CPLANE1: variants seen among roughly 807,000 people sequenced by gnomAD.
CPLANE1 encodes the protein ciliogenesis and planar polarity effector complex subunit 1.
Under a neutral mutation model 362.5 loss-of-function variants are expected in CPLANE1, and 263 were observed. The ratio of observed to expected loss-of-function variants is 0.73; its 90% confidence interval spans 0.66 to 0.80. The LOEUF (loss-of-function observed/expected upper bound fraction) is 0.80, where lower values mean the gene tolerates loss of function less well. CPLANE1 is among the 30% of genes least tolerant of loss of function. The probability of loss-of-function intolerance (pLI) is 0.00; values close to 1 mark genes in which losing one functional copy is unlikely to be tolerated. For missense variants in CPLANE1, 3,461 were observed against 3,793.4 expected (o/e 0.91, Z 2.30); for synonymous variants, 1,212 against 1,302.6 (o/e 0.93, Z 1.50).
chr5:37,169,663 C>G (rs760181700), intron 33 of CPLANE1, 102 bp from the exon 34 acceptor site: 92 of 898,858 alleles, frequency 1.0e-4, no homozygotes, highest in Non-Finnish European at 1.4e-4. Flanking sequence ...AATGTAGTAA[C>G]TGCTAAAAAA....
intron 41 of CPLANE1, among the ~76,000 whole-genome samples, chr5:37,154,932 C>T (rs1774639905): frequency 6.6e-6 from 1 of 152,130 alleles, no homozygotes; most frequent in Non-Finnish European, 1.5e-5. Context: ...CAGCAAATAG[C>T]ACCACCGTTC....
intron 17 of CPLANE1, 87 bp downstream of exon 17, chr5:37,206,110 A>G: frequency 1.1e-6 from 1 of 909,206 alleles, no homozygotes; most frequent in Non-Finnish European, 1.7e-6. Context: ...TAAGGATTCC[A>G]CATAAAATGT....
chr5:37,087,826 T>C, the CPLANE1 span, among the ~76,000 whole-genome samples: 1 of 152,186 alleles, frequency 6.6e-6, no homozygotes, highest in African/African-American at 2.4e-5. Flanking sequence ...GCTAGCCCAT[T>C]TACGAAAGGA....
At chr5:37,162,259 T>C (rs1223239097) in intron 38 of CPLANE1, among the ~76,000 whole-genome samples, 2 of 152,206 alleles carry the variant, frequency 1.3e-5, no homozygotes, top group African/African-American at 4.8e-5. Context: ...TATGGCAATT[T>C]TGAAGAAAAG....
intron 41 of CPLANE1, among the ~76,000 whole-genome samples, chr5:37,155,149 A>T (rs141462364): frequency 6.6e-6 from 1 of 152,288 alleles, no homozygotes; most frequent in East Asian, 1.9e-4. Flanking sequence ...CTTCCACACC[A>T]GGCCCAGAGA....
intron 51 of CPLANE1, among the ~76,000 whole-genome samples, chr5:37,114,211 C>G (rs568006578): frequency 4.6e-5 from 7 of 152,172 alleles, no homozygotes. Flanking sequence ...ATGTGAGGAT[C>G]AAGTGAGATA....
At chr5:37,095,430 A>T in the CPLANE1 span, among the ~76,000 whole-genome samples, 11 of 152,214 alleles carry the variant, frequency 7.2e-5, no homozygotes, top group African/African-American at 2.7e-4. Flanking sequence ...CAAGGGACAT[A>T]CCTCAATGTA....
chr5:37,230,839 A>G (rs2150516229), intron 9 of CPLANE1, 28 bp downstream of exon 9: 1 of 1,351,528 alleles, frequency 7.4e-7, no homozygotes, highest in East Asian at 2.8e-5. Context: ...AAATCTATAA[A>G]CAAATTAACA....
At chr5:37,123,677 G>A (rs1396829992) in intron 47 of CPLANE1, among the ~76,000 whole-genome samples, 1 of 152,028 alleles carries the variant, frequency 6.6e-6, no homozygotes, top group South Asian at 2.1e-4. Context: ...CACCACATCT[G>A]GCTAAATTTT....
intron 41 of CPLANE1, among the ~76,000 whole-genome samples, chr5:37,154,456 G>GTTTTTTTTTTTTT (rs1457651303): frequency 2.4e-5 from 2 of 83,128 alleles, no homozygotes; most frequent in African/African-American, 1.9e-4. Flanking sequence ...ATTTGCAATA[G>GTTTTTTTTTTTTT]TTCTTTTTTT....
intron 21 of CPLANE1, among the ~76,000 whole-genome samples, chr5:37,189,467 T>G (rs1276809971): frequency 6.6e-6 from 1 of 152,176 alleles, no homozygotes. Flanking sequence ...GAGAAAGGCA[T>G]CATTACTGAC....
intron 50 of CPLANE1, among the ~76,000 whole-genome samples, chr5:37,115,618 G>A (rs1489881933): frequency 4.7e-5 from 6 of 126,400 alleles, no homozygotes; most frequent in Admixed American, 1.7e-4. Flanking sequence ...TTTTTTTTGA[G>A]ATGGAGTCTC....
intron 39 of CPLANE1, 136 bp downstream of exon 39, chr5:37,158,087 AT>A: frequency 9.6e-7 from 1 of 1,036,702 alleles, no homozygotes; most frequent in Non-Finnish European, 1.4e-6. Context: ...GCTTAAATTA[AT>A]TTTTGAACCT....
intron 51 of CPLANE1, among the ~76,000 whole-genome samples, chr5:37,108,946 C>G (rs527655132): frequency 2.2e-4 from 33 of 152,340 alleles, no homozygotes; most frequent in Admixed American, 9.2e-4. Flanking sequence ...CCTCTTTCTT[C>G]TTACTGCATA....
intron 9 of CPLANE1, among the ~76,000 whole-genome samples, chr5:37,228,696 T>C (rs1281981271): frequency 2.0e-5 from 3 of 152,194 alleles, no homozygotes; most frequent in Admixed American, 1.3e-4. Context: ...AAAATGTTAA[T>C]AATTGTTACC....
chr5:37,224,276 G>T lies in CPLANE1; in HGVS notation c.2558C>A (p.Ala853Asp), dbSNP rs886060580. 8.4e-6 allele frequency: 13 copies of T among 1,549,032 alleles called. No individual in the cohort carries two copies. Among genetic ancestry groups the T allele is most frequent in the Non-Finnish European group, 1.1e-5 (13 of 1,145,846 alleles). ...YEKSVQLWKK[A>D]LQEIEEKGGR... ...ACCTTTCTCTTCGATTTCTTGTAGA[G>T]CTTTTTTCCACAGCTGAACAGACTT... Residue 853 changes from alanine (A) to aspartate (D), a missense_variant, in exon 14 of 53, where the codon GCT (alanine) becomes GAT (aspartate). Coordinates refer to ENST00000651892, the MANE Select transcript of CPLANE1 (RefSeq NM_001384732.1).
intron 42 of CPLANE1, 72 bp from the exon 43 acceptor site, chr5:37,148,340 T>C: frequency 8.6e-7 from 1 of 1,162,600 alleles, no homozygotes; most frequent in East Asian, 2.5e-5. Flanking sequence ...CAGTTTTATG[T>C]AAGTTTTAAA....
At chr5:37,162,302 G>T (rs546714353) in intron 38 of CPLANE1, among the ~76,000 whole-genome samples, 163 bp downstream of exon 38, 18 of 152,158 alleles carry the variant, frequency 1.2e-4, no homozygotes, top group Non-Finnish European at 2.2e-4. Context: ...TTATCAATTT[G>T]ATTTCTACAG....
the CPLANE1 span, among the ~76,000 whole-genome samples, chr5:37,086,754 CTCT>C: frequency 6.6e-5 from 10 of 152,290 alleles, no homozygotes; most frequent in South Asian, 1.9e-3. Flanking sequence ...GCTGACAGCA[CTCT>C]TCTTAGAGTC....
Sources: allele counts gnomAD v4.1 joint callset (sites outside exome capture counted in the v4.1 genomes callset), GRCh38; gene constraint gnomAD v4.1.1; transcripts MANE v1.5; gene names NCBI Gene and HGNC (gene_info 2026-07-23, HGNC 2026-07-21).